GTF2F2: variants seen among roughly 807,000 people sequenced by gnomAD.
GTF2F2 encodes general transcription factor IIF subunit 2, also known as ATP-dependent helicase GTF2F2.
In GTF2F2, 23 loss-of-function variants were observed where a neutral mutation model predicts 42.2. The observed-to-expected ratio is 0.55, with a 90% CI of 0.39 to 0.77. The LOEUF is 0.77. GTF2F2 is among the 30% of genes least tolerant of loss of function. The pLI, the probability that GTF2F2 is intolerant of heterozygous loss-of-function variation, is 0.00. For missense variants in GTF2F2, 261 were observed against 287.2 expected, an observed-to-expected ratio of 0.91 and a Z score of 0.66; for synonymous variants, 105 against 100.8, an observed-to-expected ratio of 1.04 and a Z score of -0.25.
intron 4 of GTF2F2, among the ~76,000 whole-genome samples, chr13:45,163,141 T>A (rs1871116492): frequency 6.6e-6 from 1 of 152,130 alleles, no homozygotes; most frequent in Non-Finnish European, 1.5e-5. Flanking sequence ...GAGTAGAGAT[T>A]TTTTTGTGTC....
At chr13:45,198,021 G>A (rs1872988174) in intron 4 of GTF2F2, among the ~76,000 whole-genome samples, 1 of 152,206 alleles carries the variant, frequency 6.6e-6, no homozygotes, top group Non-Finnish European at 1.5e-5. Flanking sequence ...TTCCTACTCA[G>A]TACCTTAACT....
chr13:45,161,658 A>C (rs1452842149), intron 4 of GTF2F2, among the ~76,000 whole-genome samples: 1 of 152,210 alleles, frequency 6.6e-6, no homozygotes, highest in Non-Finnish European at 1.5e-5. Context: ...CCTGGCCAAC[A>C]TGGTGAAACG....
intron 4 of GTF2F2, among the ~76,000 whole-genome samples, chr13:45,185,115 T>C (rs944874064): frequency 1.3e-5 from 2 of 152,158 alleles, no homozygotes; most frequent in Non-Finnish European, 2.9e-5. Context: ...GACACCCCGC[T>C]TAGCCCATTA....
intron 2 of GTF2F2, among the ~76,000 whole-genome samples, chr13:45,143,958 A>C (rs940585544): frequency 2.0e-5 from 3 of 152,168 alleles, no homozygotes; most frequent in Admixed American, 2.0e-4. Context: ...TAATTAGTTT[A>C]TAGTTTTGCT....
intron 4 of GTF2F2, among the ~76,000 whole-genome samples, chr13:45,197,233 A>G (rs1484239778): frequency 6.6e-6 from 1 of 151,516 alleles, no homozygotes; most frequent in Non-Finnish European, 1.5e-5. Flanking sequence ...ATGTTGGCTT[A>G]TGCCTGTAAT....
At chr13:45,138,876 C>A (rs1869771978) in intron 2 of GTF2F2, among the ~76,000 whole-genome samples, 1 of 152,206 alleles carries the variant, frequency 6.6e-6, no homozygotes, top group Non-Finnish European at 1.5e-5. Context: ...GAACTCCTGA[C>A]CTCAAGTGAG....
chr13:45,140,485 C>T (rs910723828), intron 2 of GTF2F2, among the ~76,000 whole-genome samples: 1 of 152,118 alleles, frequency 6.6e-6, no homozygotes, highest in South Asian at 2.1e-4. Context: ...AATCTTCTGA[C>T]TTTAGATTTC....
At chr13:45,215,994 G>T (rs1873871620) in intron 5 of GTF2F2, among the ~76,000 whole-genome samples, 1 of 152,028 alleles carries the variant, frequency 6.6e-6, no homozygotes, top group Admixed American at 6.5e-5. Flanking sequence ...GCTCACACTT[G>T]TAATCCCGGC....
At chr13:45,205,170 AAGGAAAC>A (rs1443290213) in intron 4 of GTF2F2, among the ~76,000 whole-genome samples, 1 of 152,208 alleles carries the variant, frequency 6.6e-6, no homozygotes, top group East Asian at 1.9e-4. Context: ...GTAGTTTATA[AAGGAAAC>A]AGGTTTAATT....
intron 5 of GTF2F2, among the ~76,000 whole-genome samples, chr13:45,210,634 G>A (rs1873593948): frequency 6.6e-6 from 1 of 151,906 alleles, no homozygotes; most frequent in Non-Finnish European, 1.5e-5. Context: ...TGTCGATTTG[G>A]CTCACTCATT....
At chr13:45,212,170 G>T (rs1280465968) in intron 5 of GTF2F2, among the ~76,000 whole-genome samples, 1 of 152,184 alleles carries the variant, frequency 6.6e-6, no homozygotes, top group Non-Finnish European at 1.5e-5. Context: ...GTAAGTCTGA[G>T]ATATTCTATA....
chr13:45,140,997 C>T (rs1869902339), intron 2 of GTF2F2, among the ~76,000 whole-genome samples: 1 of 152,162 alleles, frequency 6.6e-6, no homozygotes, highest in South Asian at 2.1e-4. Context: ...CCTTCCCAAC[C>T]CATAGGATGT....
intron 5 of GTF2F2, among the ~76,000 whole-genome samples, chr13:45,234,179 A>T (rs117407935): frequency 8.5e-4 from 130 of 152,352 alleles, no homozygotes; most frequent in Non-Finnish European, 1.3e-3. Flanking sequence ...CATGTTGATG[A>T]TGCAGAAAAC....
chr13:45,133,238 G>C (rs1040860311), intron 1 of GTF2F2, among the ~76,000 whole-genome samples: 2 of 152,120 alleles, frequency 1.3e-5, no homozygotes, highest in Non-Finnish European at 2.9e-5. Context: ...GTGAGAAGAT[G>C]TTAATTAGAG....
intron 6 of GTF2F2, among the ~76,000 whole-genome samples, chr13:45,253,695 T>G (rs1875970670): frequency 6.6e-6 from 1 of 152,208 alleles, no homozygotes; most frequent in South Asian, 2.1e-4. Context: ...GTCATTCCTT[T>G]GTCCAGTATA....
intron 6 of GTF2F2, chr13:45,263,626 C>G (rs938638906): frequency 2.5e-4 from 38 of 152,044 alleles, no homozygotes; most frequent in African/African-American, 8.7e-4. Flanking sequence ...GCTTTGGGCT[C>G]GAATAAACTA....
chr13:45,161,670 C>T (rs1055321371), intron 4 of GTF2F2, among the ~76,000 whole-genome samples: 1 of 152,068 alleles, frequency 6.6e-6, no homozygotes, highest in African/African-American at 2.4e-5. Flanking sequence ...GGTGAAACGC[C>T]GTCCCTACCA....
rs567101933 is a variant in GTF2F2, at chr13:45,281,612, C to T, written c.631-1830C>T. 2.6e-5 allele frequency among the ~76,000 whole-genome samples: 4 copies of T among 152,278 alleles called. No individual in the cohort carries two copies. The South Asian group carries it at 8.3e-4, about 32-fold the overall frequency. Reference sequence around the variant, plus strand: ...AAAATGCAGATTCCTGGGCCTAGCCCAAGAGACTTTGATTCAGTAGGCCCA... The same window carrying T: ...AAAATGCAGATTCCTGGGCCTAGCCTAAGAGACTTTGATTCAGTAGGCCCA... On this transcript the variant is annotated intron_variant, in intron 7 of 7. Transcript: ENST00000340473.
intron 1 of GTF2F2, among the ~76,000 whole-genome samples, chr13:45,127,442 C>T (rs1869073787): frequency 6.6e-6 from 1 of 151,862 alleles, no homozygotes; most frequent in African/African-American, 2.4e-5. Context: ...CCTCCTGCCT[C>T]AGCCTCCTGA....
Sources: allele counts gnomAD v4.1 joint callset (sites outside exome capture counted in the v4.1 genomes callset), GRCh38; gene constraint gnomAD v4.1.1; transcripts MANE v1.5; gene names NCBI Gene and HGNC (gene_info 2026-07-23, HGNC 2026-07-21).